TNIP1: variants seen among roughly 807,000 people sequenced by gnomAD.
The protein encoded by TNIP1 is TNFAIP3-interacting protein 1.
In TNIP1, 22 loss-of-function variants were observed where a neutral mutation model predicts 86.6. The ratio of observed to expected loss-of-function variants is 0.25; its 90% CI spans 0.18 to 0.36. The LOEUF is 0.36. Among genes scored for constraint, TNIP1 ranks in the 10% least tolerant of loss-of-function variants. The pLI, the probability that TNIP1 is intolerant of heterozygous loss-of-function variation, is 1.00. For synonymous variants in TNIP1, 294 were observed against 313.0 expected (o/e 0.94, Z 0.64); for missense variants, 709 against 820.6 (o/e 0.86, Z 1.66).
rs1441839114 is a variant in TNIP1, at chr5:151,052,190, G to A, written c.697C>T (p.Arg233Trp). ...KAKLDKGLEQ[R>W]DQAAERLREE... is the part of the protein sequence containing the mutation. ...CGCAGCCTCTCGGCAGCCTGATCCC[G>A]CTGTTCCAGGCCCTTATCCAACTTG... is the stretch of plus-strand genomic sequence containing the variant. Residue 233 changes from arginine to tryptophan, a missense_variant, in exon 7 of 18, where the codon CGG (arginine) becomes TGG (tryptophan). Coordinates refer to ENST00000521591, the MANE Select transcript of TNIP1 (RefSeq NM_006058.5). The A allele has an allele frequency of 6.8e-6, 11 of 1,613,980 alleles. No homozygotes were observed. Among genetic ancestry groups the A allele is most frequent in the Non-Finnish European group, 9.3e-6 (11 of 1,179,968 alleles).
upstream of TNIP1, among the ~76,000 whole-genome samples, chr5:151,084,174 G>A (rs1056489669): frequency 6.6e-6 from 1 of 152,210 alleles, no homozygotes; most frequent in Non-Finnish European, 1.5e-5. Context: ...AGGGCATGCC[G>A]TGGCTCACGC....
chr5:151,062,127 A>G lies in TNIP1; in HGVS notation c.357T>C (p.Ser119=), dbSNP rs1372003456. The change falls in exon 4 of 18, where the codon AGT becomes AGC. Residue 119 remains serine, a splice_region_variant and synonymous_variant. Transcript: ENST00000521591. ...ACCCATGACTCCAAATAAAACTTAC[A>G]CTGGATGGAGGCTTCTGGACTGGTG... ...KPAPVQKPPS[S]GTSSEFEVVT... 6.2e-7 allele frequency: 1 copy of G among 1,613,898 alleles called. No homozygotes were observed. The highest frequency in any genetic ancestry group is 1.3e-5 in the African/African-American group (1 of 74,904).
intron 7 of TNIP1, 58 bp downstream of exon 7, chr5:151,052,107 C>A (rs1760004191): frequency 6.6e-7 from 1 of 1,510,386 alleles, no homozygotes. Flanking sequence ...TGCTGCACAC[C>A]AGCCCCTCCT....
At chr5:151,058,215 C>T (rs1412570223) in intron 5 of TNIP1, among the ~76,000 whole-genome samples, 1 of 152,242 alleles carries the variant, frequency 6.6e-6, no homozygotes, top group Admixed American at 6.5e-5. Flanking sequence ...GCCACCATGC[C>T]TGGCCTACAC....
intron 6 of TNIP1, among the ~76,000 whole-genome samples, chr5:151,053,820 G>A (rs1234530169): frequency 1.3e-5 from 2 of 152,230 alleles, no homozygotes; most frequent in African/African-American, 4.8e-5. Context: ...CAGGTGCACA[G>A]CTGCTAAGAC....
intron 4 of TNIP1, among the ~76,000 whole-genome samples, chr5:151,061,366 G>A (rs1022084491): frequency 3.3e-5 from 5 of 151,910 alleles, no homozygotes; most frequent in South Asian, 2.1e-4. Flanking sequence ...CCCATTACCC[G>A]TGTAACCTCA....
At chr5:151,072,817 G>A (rs1003171778) in intron 1 of TNIP1, among the ~76,000 whole-genome samples, 1 of 152,200 alleles carries the variant, frequency 6.6e-6, no homozygotes, top group Non-Finnish European at 1.5e-5. Flanking sequence ...GGGAGCCTGG[G>A]TATACATTTG....
Position 151,065,151 on chromosome 5 carries a change from A to T in TNIP1, c.-36-20T>A, listed in dbSNP as rs1364575567. ...GCCTGGCTGTAAGGACAACAGCAGC[A>T]TATCAGCAGGCTGGCCAGGCCATGG... On this transcript the variant is annotated intron_variant, in intron 1 of 17. Coordinates refer to ENST00000521591, the MANE Select transcript of TNIP1 (RefSeq NM_006058.5). 1.3e-6 allele frequency: 2 copies of T among 1,590,248 alleles called. No individual in the cohort carries two copies. Among genetic ancestry groups the T allele is most frequent in the African/African-American group, 2.7e-5 (2 of 74,604 alleles).
In TNIP1 at chr5:151,081,029, G is replaced by C. The variant is rs1486490271; in HGVS notation, c.-186C>G. ...GGCAGGGCACCCGGGCCGAGGACGAGGAAGTGCCGGGGGCCTGGCCGGGCC... is the reference window on the plus strand; with the variant it reads ...GGCAGGGCACCCGGGCCGAGGACGACGAAGTGCCGGGGGCCTGGCCGGGCC... On this transcript the variant is annotated 5_prime_UTR_variant, in exon 1 of 18. Coordinates refer to ENST00000521591, the MANE Select transcript of TNIP1 (RefSeq NM_006058.5). 5 of 152,076 alleles carry C rather than the reference G, an allele frequency of 3.3e-5. No individual in the cohort carries two copies. The highest frequency in any genetic ancestry group is 6.5e-5 in the Admixed American group (1 of 15,284). 9.4% of individuals were successfully genotyped at this position (152,076 alleles called of 1,614,324 possible).
intron 6 of TNIP1, among the ~76,000 whole-genome samples, chr5:151,053,068 T>C (rs989487856): frequency 2.0e-5 from 3 of 150,840 alleles, no homozygotes; most frequent in Non-Finnish European, 4.4e-5. Context: ...TGACACTTGG[T>C]TCCTCCTCTA....
At chr5:151,085,328 C>T (rs1764236224), upstream of TNIP1, among the ~76,000 whole-genome samples, 1 of 152,188 alleles carries the variant, frequency 6.6e-6, no homozygotes, top group Non-Finnish European at 1.5e-5. Flanking sequence ...TAGCGATGAT[C>T]ATTATGATCA....
chr5:151,069,670 A>G (rs1333604556), intron 1 of TNIP1, among the ~76,000 whole-genome samples: 1 of 152,106 alleles, frequency 6.6e-6, no homozygotes, highest in Non-Finnish European at 1.5e-5. Context: ...AGCAGAGGTG[A>G]GGGCTGCCAG....
At chr5:151,049,272 T>C (rs1188625372) in intron 8 of TNIP1, among the ~76,000 whole-genome samples, 1 of 152,086 alleles carries the variant, frequency 6.6e-6, no homozygotes, top group African/African-American at 2.4e-5. Context: ...GCTTGGGACC[T>C]GGATGTGGCC....
upstream of TNIP1, among the ~76,000 whole-genome samples, chr5:151,083,619 C>T (rs1764165067): frequency 6.6e-6 from 1 of 152,196 alleles, no homozygotes; most frequent in Non-Finnish European, 1.5e-5. Flanking sequence ...AAGCCACACC[C>T]AGAAGGAGAA....
intron 5 of TNIP1, among the ~76,000 whole-genome samples, chr5:151,059,828 A>AGAGAGAGG (rs1554076446): frequency 3.5e-5 from 2 of 56,396 alleles, no homozygotes; most frequent in Non-Finnish European, 6.4e-5. Flanking sequence ...AGAGAGAGAG[A>AGAGAGAGG]GTGTGTGTGT....
chr5:151,060,418 G>A (rs1450812860), intron 4 of TNIP1, 23 bp from the exon 5 acceptor site: 3 of 1,613,026 alleles, frequency 1.9e-6, no homozygotes, highest in South Asian at 1.1e-5. Flanking sequence ...GAAGTTAGGT[G>A]CTGCCCGAGA....
intron 12 of TNIP1, chr5:151,037,189 G>C (rs1402521247): frequency 6.8e-6 from 2 of 292,150 alleles, no homozygotes; most frequent in African/African-American, 4.6e-5. Context: ...ACCTGAAGGG[G>C]CTTGTCCAAG....
At chr5:151,056,544 G>A (rs1274834952) in intron 6 of TNIP1, among the ~76,000 whole-genome samples, 14 of 152,162 alleles carry the variant, frequency 9.2e-5, no homozygotes, top group African/African-American at 2.4e-5. Flanking sequence ...CATGACACTC[G>A]CATTGCCCAT....
intron 5 of TNIP1, among the ~76,000 whole-genome samples, chr5:151,058,726 G>A (rs1358018582): frequency 6.6e-6 from 1 of 152,342 alleles, no homozygotes; most frequent in Middle Eastern, 3.4e-3. Flanking sequence ...CAGGACAGCA[G>A]AGCTACAGGG....
Sources: gnomAD v4.1 joint callset for allele counts (sites outside exome capture counted in the v4.1 genomes callset) on GRCh38, gnomAD v4.1.1 for gene constraint, MANE v1.5 for transcripts, NCBI Gene and HGNC (gene_info 2026-07-23, HGNC 2026-07-21) for gene names.